SLC12A8: variants seen among roughly 807,000 people sequenced by gnomAD.
The protein encoded by SLC12A8 is cation-chloride cotransporter 9.
In SLC12A8, 69 loss-of-function variants were observed where a neutral mutation model predicts 75.6. The observed-to-expected ratio is 0.91, with a 90% CI of 0.75 to 1.11. The LOEUF is 1.11. SLC12A8 is among the 50% of genes most tolerant of loss of function. The pLI is 0.00. For missense variants in SLC12A8, 877 were observed against 896.7 expected (o/e 0.98, Z 0.28); for synonymous variants, 365 against 372.8 (o/e 0.98, Z 0.24).
intron 6 of SLC12A8, among the ~76,000 whole-genome samples, chr3:125,133,703 G>A (rs1933419658): frequency 6.6e-6 from 1 of 152,150 alleles, no homozygotes; most frequent in South Asian, 2.1e-4. Context: ...TGAGATTGTA[G>A]GCATGAGCCA....
At chr3:125,158,346 G>A (rs983006969) in intron 5 of SLC12A8, among the ~76,000 whole-genome samples, 3 of 151,820 alleles carry the variant, frequency 2.0e-5, no homozygotes, top group South Asian at 2.1e-4. Flanking sequence ...TCAGCCTCCC[G>A]AGTAGCTGGA....
chr3:125,110,516 TCCA>T (rs1045197743), intron 8 of SLC12A8, 181 bp from the exon 9 acceptor site: 31 of 529,494 alleles, frequency 5.9e-5, no homozygotes, highest in Admixed American at 5.1e-4. Flanking sequence ...TTCAGCTGAA[TCCA>T]CCACCACATT....
intron 9 of SLC12A8, among the ~76,000 whole-genome samples, chr3:125,109,038 A>G (rs535571494): frequency 6.6e-6 from 1 of 152,304 alleles, no homozygotes; most frequent in East Asian, 1.9e-4. Context: ...CAAAAGCAAC[A>G]GTCACTTCTC....
chr3:125,103,609 C>A (rs1261576084), intron 10 of SLC12A8, among the ~76,000 whole-genome samples: 1 of 152,022 alleles, frequency 6.6e-6, no homozygotes, highest in Non-Finnish European at 1.5e-5. Flanking sequence ...GAACTACAGG[C>A]ATGTGTCATC....
At chr3:125,178,533 A>G (rs1280943827) in intron 4 of SLC12A8, among the ~76,000 whole-genome samples, 1 of 152,144 alleles carries the variant, frequency 6.6e-6, no homozygotes, top group Admixed American at 6.5e-5. Context: ...CATTTTACTC[A>G]CTATTTGCTG....
In SLC12A8 at chr3:125,211,232, G is replaced by C. The variant is rs1003210561; in HGVS notation, c.51+67C>G. Reference sequence around the variant, plus strand: ...GGGTGCGCTGTAATGTTTGCATCCAGCCCACTGTCTGGGGATCCCCGTGCT... The same window carrying C: ...GGGTGCGCTGTAATGTTTGCATCCACCCCACTGTCTGGGGATCCCCGTGCT... On this transcript the variant is annotated intron_variant, in intron 2 of 13. Coordinates refer to ENST00000469902, the MANE Select transcript of SLC12A8 (RefSeq NM_024628.6). 101 of 1,305,324 alleles carry C rather than the reference G, an allele frequency of 7.7e-5. No individual in the cohort carries two copies. The African/African-American group carries it at 1.3e-3, about 17-fold the overall frequency. The allele number at this position is 1,305,324 out of a possible 1,614,324, so 80.9% of individuals were successfully genotyped here.
chr3:125,090,777 C>T (rs1044775124), intron 12 of SLC12A8, among the ~76,000 whole-genome samples: 1 of 152,108 alleles, frequency 6.6e-6, no homozygotes, highest in African/African-American at 2.4e-5. Context: ...GTATCTTTTT[C>T]CTTCCTTTTA....
At chr3:125,153,954 G>T (rs527363063) in intron 5 of SLC12A8, among the ~76,000 whole-genome samples, 4 of 152,144 alleles carry the variant, frequency 2.6e-5, no homozygotes, top group East Asian at 1.9e-4. Context: ...TACCATGTTG[G>T]CCAGGCTGGT....
At chr3:125,181,166 A>G (rs1258453040) in intron 4 of SLC12A8, among the ~76,000 whole-genome samples, 1 of 152,234 alleles carries the variant, frequency 6.6e-6, no homozygotes, top group East Asian at 1.9e-4. Flanking sequence ...ATGTTGCCAA[A>G]GTCAAAAGAA....
intron 2 of SLC12A8, among the ~76,000 whole-genome samples, chr3:125,203,131 A>G (rs899707182): frequency 2.6e-5 from 4 of 151,148 alleles, no homozygotes; most frequent in Non-Finnish European, 5.9e-5. Flanking sequence ...GAGAAGAATT[A>G]CTATTGTTAA....
intron 2 of SLC12A8, among the ~76,000 whole-genome samples, chr3:125,195,148 G>A (rs757560234): frequency 1.1e-4 from 16 of 152,258 alleles, no homozygotes; most frequent in South Asian, 2.1e-4. Flanking sequence ...CTTCAGGGAA[G>A]TTGGAAGGAA....
At chr3:125,095,356 C>G (rs1938687570) in intron 10 of SLC12A8, among the ~76,000 whole-genome samples, 1 of 152,210 alleles carries the variant, frequency 6.6e-6, no homozygotes, top group South Asian at 2.1e-4. Context: ...TTCTTTCTCT[C>G]ACACCTATAC....
intron 6 of SLC12A8, among the ~76,000 whole-genome samples, chr3:125,129,405 T>C (rs1191322690): frequency 6.6e-6 from 1 of 152,062 alleles, no homozygotes; most frequent in East Asian, 1.9e-4. Context: ...AAGTACAGCA[T>C]CCACTCCAAG....
intron 4 of SLC12A8, among the ~76,000 whole-genome samples, chr3:125,183,228 T>C (rs1178562640): frequency 1.3e-5 from 2 of 152,144 alleles, no homozygotes; most frequent in Non-Finnish European, 2.9e-5. Flanking sequence ...AAAACATTCC[T>C]GGTGGTTTGT....
intron 10 of SLC12A8, among the ~76,000 whole-genome samples, chr3:125,102,413 G>A (rs926977821): frequency 5.9e-5 from 9 of 152,134 alleles, no homozygotes; most frequent in African/African-American, 1.7e-4. Flanking sequence ...ACCTTGCATC[G>A]TACACCCTAT....
intron 10 of SLC12A8, among the ~76,000 whole-genome samples, chr3:125,092,796 C>T (rs958660530): frequency 3.3e-5 from 5 of 152,200 alleles, no homozygotes; most frequent in Non-Finnish European, 5.9e-5. Flanking sequence ...TCAGGCACAA[C>T]AGGGCTTTCA....
chr3:125,086,705 G>A (rs1486420058), intron 13 of SLC12A8, among the ~76,000 whole-genome samples: 4 of 152,104 alleles, frequency 2.6e-5, no homozygotes, highest in Non-Finnish European at 4.4e-5. Flanking sequence ...CTTGTGCATC[G>A]GACAGGACAA....
At chr3:125,155,354 C>T (rs1042393776) in intron 5 of SLC12A8, among the ~76,000 whole-genome samples, 4 of 152,036 alleles carry the variant, frequency 2.6e-5, no homozygotes, top group African/African-American at 9.7e-5. Flanking sequence ...GAAATATACT[C>T]AGTGTTTCAA....
rs375846504 is a variant in SLC12A8, at chr3:125,195,688, G to T, written c.52-5167C>A. Among the ~76,000 whole-genome samples the T allele has an allele frequency of 1.7e-4, 25 of 151,444 alleles. 1 individual carries two copies. In the South Asian group the frequency reaches 2.6e-3, roughly 15 times the overall value. ...GACCTGGTCACACATGGCTCAGCCCGCAGAGTGGCAAGACCATCAGAGGCT... is the reference window on the plus strand; with the variant it reads ...GACCTGGTCACACATGGCTCAGCCCTCAGAGTGGCAAGACCATCAGAGGCT... On this transcript the variant is annotated intron_variant, in intron 2 of 13. Transcript: ENST00000469902.
Sources: gnomAD v4.1 joint callset for allele counts (sites outside exome capture counted in the v4.1 genomes callset) on GRCh38, gnomAD v4.1.1 for gene constraint, MANE v1.5 for transcripts, NCBI Gene and HGNC (gene_info 2026-07-23, HGNC 2026-07-21) for gene names.